Variants in C6 observed in about 807,000 individuals in gnomAD.
C6 encodes the protein complement C6, also known as complement component C6.
Under a neutral mutation model 112.9 loss-of-function variants are expected in C6, and 101 were observed. That is an observed-to-expected ratio of 0.89 (90% CI 0.76 to 1.06). The LOEUF (loss-of-function observed/expected upper bound fraction) is 1.06, where lower values mean the gene tolerates loss of function less well. Among genes scored for constraint, C6 ranks in the 50% least tolerant of loss-of-function variants. C6 has a pLI of 0.00. For missense variants in C6, 1,202 were observed against 1,104.6 expected (o/e 1.09, Z -1.25); for synonymous variants, 431 against 384.1 (o/e 1.12, Z -1.43).
intron 1 of C6, among the ~76,000 whole-genome samples, chr5:41,251,888 G>A (rs1308288766): frequency 1.3e-5 from 2 of 152,146 alleles, no homozygotes; most frequent in Non-Finnish European, 2.9e-5. Context: ...CAAAAAGCAA[G>A]TAAAGTCTCT....
intron 3 of C6, among the ~76,000 whole-genome samples, chr5:41,200,602 A>G (rs1010392106): frequency 4.6e-5 from 7 of 152,218 alleles, no homozygotes; most frequent in Admixed American, 3.3e-4. Flanking sequence ...GACCTAGAAC[A>G]GTTCCCCTCA....
chr5:41,227,921 C>T (rs988327105), intron 1 of C6, among the ~76,000 whole-genome samples: 4 of 152,026 alleles, frequency 2.6e-5, no homozygotes, highest in Non-Finnish European at 5.9e-5. Context: ...CAGCTTTGCT[C>T]TTTTGGCTAA....
At chr5:41,210,281 C>T (rs542623374) in intron 1 of C6, among the ~76,000 whole-genome samples, 4 of 152,146 alleles carry the variant, frequency 2.6e-5, no homozygotes, top group African/African-American at 9.7e-5. Context: ...AAAACCTAGG[C>T]AATACCATTC....
chr5:41,148,448 G>A (rs577397343), intron 17 of C6, among the ~76,000 whole-genome samples: 1 of 152,238 alleles, frequency 6.6e-6, no homozygotes, highest in South Asian at 2.1e-4. Flanking sequence ...ATTTTTTTAT[G>A]GGGTGCTTAT....
chr5:41,199,019 G>A (rs926795114), intron 4 of C6, among the ~76,000 whole-genome samples: 4 of 152,106 alleles, frequency 2.6e-5, no homozygotes, highest in African/African-American at 9.7e-5. Flanking sequence ...GGGTGGAGGT[G>A]GATAGGGGAA....
chr5:41,152,159 A>C lies in C6; in HGVS notation c.2290+1651T>G, dbSNP rs148820848. 4.6e-3 allele frequency among the ~76,000 whole-genome samples: 707 copies of C among 152,266 alleles called. 4 individuals are homozygous for C. Among genetic ancestry groups the C allele is most frequent in the African/African-American group, 0.015 (617 of 41,554 alleles). On this transcript the variant is annotated intron_variant, in intron 15 of 17. Transcript: ENST00000337836. ...TGAGACAAGTATTCTGAAGAAAGGGAACATGGTTTCAGGAGACCACATACC... is the reference window on the plus strand; with the variant it reads ...TGAGACAAGTATTCTGAAGAAAGGGCACATGGTTTCAGGAGACCACATACC...
Position 41,149,965 on chromosome 5 carries a change from C to A in C6, c.2351G>T (p.Cys784Phe). ...GTCTTCTTCTGGAGACATACAAATGCATTCAGATCCTGATTGTTTCTGTCC... is the reference window on the plus strand; with the variant it reads ...GTCTTCTTCTGGAGACATACAAATGAATTCAGATCCTGATTGTTTCTGTCC... ...QLGQKQSGSE[C>F]ICMSPEEDCS... Residue 784 changes from cysteine (C) to phenylalanine (F), a missense_variant, in exon 16 of 18, where the codon TGC (cysteine) becomes TTC (phenylalanine). Transcript: ENST00000337836. The A allele has an allele frequency of 6.2e-7, 1 of 1,612,642 alleles. No individual in the cohort carries two copies. Among genetic ancestry groups the A allele is most frequent in the Non-Finnish European group, 8.5e-7 (1 of 1,178,780 alleles).
Position 41,153,854 on chromosome 5 carries a change from T to A in C6, c.2246A>T (p.Asn749Ile), listed in dbSNP as rs1363116257. The change falls in exon 15 of 18, where the codon AAT becomes ATT. Residue 749 changes from asparagine (N) to isoleucine (I), a missense_variant. By Grantham distance (149) the Asn-to-Ile change is moderately radical (BLOSUM62 -3). Coordinates refer to ENST00000337836, the MANE Select transcript of C6 (RefSeq NM_000065.5). ...AGPSRYTCQG[N>I]SWTPPISNSL... is the part of the protein sequence containing the mutation. ...GTTTGAAATGGGTGGTGTCCAGGAA[T>A]TCCCCTGGCATGTGTACCTTGATGG... is the stretch of plus-strand genomic sequence containing the variant. 18 of 1,613,416 alleles carry A rather than the reference T, an allele frequency of 1.1e-5. No homozygotes were observed. The highest frequency in any genetic ancestry group is 1.4e-5 in the Non-Finnish European group (17 of 1,179,742).
intron 1 of C6, among the ~76,000 whole-genome samples, chr5:41,220,464 T>G (rs1180414236): frequency 2.6e-5 from 4 of 152,186 alleles, no homozygotes; most frequent in Non-Finnish European, 5.9e-5. Flanking sequence ...CCATCCTGTT[T>G]TGCTTACTTT....
chr5:41,171,772 A>G (rs529202359), intron 9 of C6, among the ~76,000 whole-genome samples: 140 of 152,300 alleles, frequency 9.2e-4, no homozygotes, highest in African/African-American at 3.1e-3. Flanking sequence ...CATGGCCCCA[A>G]AATAATTCTT....
intron 1 of C6, among the ~76,000 whole-genome samples, chr5:41,250,674 A>G (rs1741295439): frequency 1.3e-5 from 2 of 152,172 alleles, no homozygotes; most frequent in Non-Finnish European, 2.9e-5. Flanking sequence ...GGGACCTAGA[A>G]TGAGATCACA....
At chr5:41,165,733 T>C (rs1399738908) in intron 9 of C6, among the ~76,000 whole-genome samples, 1 of 152,130 alleles carries the variant, frequency 6.6e-6, no homozygotes, top group East Asian at 1.9e-4. Context: ...ATGGATTGTT[T>C]ATTTAATTCT....
Position 41,186,216 on chromosome 5 carries a change from C to A in C6, c.588-8G>T. The A allele has an allele frequency of 6.2e-7, 1 of 1,613,522 alleles. No homozygotes were observed. Among genetic ancestry groups the A allele is most frequent in the Non-Finnish European group, 8.5e-7 (1 of 1,179,672 alleles). ...CCTGCCAGAAAATGAAACCTAGAAA[C>A]AAAGTAATTTTCAGGAATTCAACAG... On this transcript the variant is annotated splice_region_variant and splice_polypyrimidine_tract_variant and intron_variant, in intron 5 of 17. Transcript: ENST00000337836.
intron 15 of C6, chr5:41,152,619 T>G (rs1746512888): frequency 6.6e-6 from 1 of 152,170 alleles, no homozygotes; most frequent in African/African-American, 2.4e-5. Context: ...TCACAGTTGT[T>G]TTCCTTTCCT....
At chr5:41,202,538 C>A (rs948935388) in intron 2 of C6, among the ~76,000 whole-genome samples, 1 of 152,062 alleles carries the variant, frequency 6.6e-6, no homozygotes. Flanking sequence ...TGCTTTTCTC[C>A]CCTAACATGT....
intron 1 of C6, among the ~76,000 whole-genome samples, chr5:41,247,380 CA>C (rs935134041): frequency 6.6e-6 from 1 of 151,994 alleles, no homozygotes; most frequent in Non-Finnish European, 1.5e-5. Context: ...CATTACTATA[CA>C]TTAATAATGT....
intron 6 of C6, among the ~76,000 whole-genome samples, chr5:41,185,013 T>A (rs1303647996): frequency 6.6e-6 from 1 of 152,180 alleles, no homozygotes; most frequent in Non-Finnish European, 1.5e-5. Flanking sequence ...TATCCTTTTG[T>A]GAAATGACCA....
Position 41,176,644 on chromosome 5 carries a change from G to A in C6, c.999C>T (p.His333=). 1 of 1,613,768 alleles carries A rather than the reference G, an allele frequency of 6.2e-7. No homozygotes were observed. The highest frequency in any genetic ancestry group is 2.2e-5 in the East Asian group (1 of 44,822). ...LNFTTKAKDL[H]LSDVFLKALN... The stretch of plus-strand genomic sequence containing the variant: ...GTGCTTTCAAAAAGACATCAGAAAG[G>A]TGCAGATCTTTAGCTTTCGTTGTGA... The change falls in exon 8 of 18, where the codon CAC becomes CAT. Residue 333 remains histidine (H), a synonymous_variant. Transcript: ENST00000337836.
intron 5 of C6, among the ~76,000 whole-genome samples, chr5:41,192,585 T>G (rs1406140146): frequency 6.6e-6 from 1 of 152,078 alleles, no homozygotes; most frequent in African/African-American, 2.4e-5. Flanking sequence ...CTATTTCTTC[T>G]TGATTCAATC....
Sources: allele counts gnomAD v4.1 joint callset (sites outside exome capture counted in the v4.1 genomes callset), GRCh38; gene constraint gnomAD v4.1.1; transcripts MANE v1.5; gene names NCBI Gene and HGNC (gene_info 2026-07-23, HGNC 2026-07-21).